The following SLX9 variants were observed in gnomAD, a reference collection of about 807,000 sequenced individuals.
The protein encoded by SLX9 is ribosome biogenesis protein SLX9 homolog.
A neutral mutation model predicts 20.8 loss-of-function variants in SLX9; 19 were observed. That is an observed-to-expected ratio of 0.91 (90% CI 0.64 to 1.34). The LOEUF (loss-of-function observed/expected upper bound fraction) is 1.34, where lower values mean the gene tolerates loss of function less well. SLX9 is among the 40% of genes most tolerant of loss of function. The pLI is 0.00. For synonymous variants in SLX9, 113 were observed against 137.1 expected (o/e 0.82, Z 1.23); for missense variants, 299 against 322.2 (o/e 0.93, Z 0.55).
chr21:44,939,909 G>C (rs1321242872), upstream of SLX9: 1 of 777,718 alleles, frequency 1.3e-6, no homozygotes, highest in Non-Finnish European at 1.9e-6. Context: ...CCCTACACCC[G>C]CGACCCTGCG....
chr21:44,949,901 T>C (rs753264482), intron 2 of SLX9, among the ~76,000 whole-genome samples: 1 of 152,140 alleles, frequency 6.6e-6, no homozygotes, highest in Non-Finnish European at 1.5e-5. Flanking sequence ...CGACCTTGGC[T>C]TCCTGGCCGT....
intron 2 of SLX9, among the ~76,000 whole-genome samples, chr21:44,946,322 G>C (rs908675527): frequency 6.6e-6 from 1 of 152,170 alleles, no homozygotes; most frequent in Admixed American, 6.5e-5. Flanking sequence ...AGCGTGGCCC[G>C]TTCTGGCGCT....
At chr21:44,960,595 A>G (rs1157434525) in intron 3 of SLX9, among the ~76,000 whole-genome samples, 1 of 152,220 alleles carries the variant, frequency 6.6e-6, no homozygotes, top group Non-Finnish European at 1.5e-5. Context: ...AAGTGCCTGC[A>G]GTGGTATGTG....
rs557565877 is a variant in SLX9, at chr21:44,962,630, C to A, written c.352+2462C>A. 5.3e-5 allele frequency among the ~76,000 whole-genome samples: 8 copies of A among 152,346 alleles called. No homozygotes were observed. The South Asian group carries it at 1.7e-3, about 32-fold the overall frequency. ...CTACTGTGAATAAGGCTGCTCTGAACATTCTTTACAAGTCTTTTTGTGGAC... is the reference window on the plus strand; with the variant it reads ...CTACTGTGAATAAGGCTGCTCTGAAAATTCTTTACAAGTCTTTTTGTGGAC... On this transcript the variant is annotated intron_variant, in intron 3 of 5. Coordinates refer to ENST00000291634, the MANE Select transcript of SLX9 (RefSeq NM_058190.4).
At chr21:44,953,743 G>A (rs190779756) in intron 2 of SLX9, among the ~76,000 whole-genome samples, 148 of 152,310 alleles carry the variant, frequency 9.7e-4, no homozygotes, top group African/African-American at 2.4e-3. Context: ...GTGCAGTAGC[G>A]TGACCTTGGC....
At chr21:44,942,438 A>C (rs1232559408) in intron 1 of SLX9, among the ~76,000 whole-genome samples, 1 of 152,118 alleles carries the variant, frequency 6.6e-6, no homozygotes, top group Non-Finnish European at 1.5e-5. Flanking sequence ...AGGGAGACCA[A>C]GGACTTCTCC....
Position 44,956,577 on chromosome 21 carries a change from C to T in SLX9, c.284-3523C>T, listed in dbSNP as rs530525262. ...GCCGCAGCATCTCCCGGCACCCGAG[C>T]CCGAGATGAAGCAGCACGTGCCAGC... On this transcript the variant is annotated intron_variant, in intron 2 of 5. Transcript: ENST00000291634. Among the ~76,000 whole-genome samples the T allele has an allele frequency of 3.3e-5, 5 of 152,336 alleles. No individual in the cohort carries two copies. In the South Asian group the frequency reaches 6.2e-4, roughly 19 times the overall value.
rs77867616 is a variant in SLX9 at position 44,964,493 on chromosome 21, C to T, written c.353-2541C>T. 8.4e-3 allele frequency among the ~76,000 whole-genome samples: 1,278 copies of T among 152,338 alleles called. 23 individuals carry two copies. Among genetic ancestry groups the T allele is most frequent in the African/African-American group, 0.029 (1,217 of 41,574 alleles). On this transcript the variant is annotated intron_variant, in intron 3 of 5. Transcript: ENST00000291634. The stretch of plus-strand genomic sequence containing the variant: ...CTCCTGGAGGCCTCCCCCGGTCACT[C>T]TCCATCCCTTGCTTTGCTTTGTTTT...
intron 5 of SLX9, 31 bp from the exon 6 acceptor site, chr21:44,976,649 G>T: frequency 6.4e-7 from 1 of 1,568,640 alleles, no homozygotes; most frequent in East Asian, 2.3e-5. Context: ...GGGGGTTCCT[G>T]CCTGCTGATC....
At position 44,976,782 on chromosome 21, in the gene SLX9, G is replaced by A. The variant is rs543334580; in HGVS notation, c.672G>A (p.Leu224=). Residue 224 remains leucine, a synonymous_variant, in exon 6 of 6, where the codon CTG becomes CTA. Transcript: ENST00000291634. ...AGACGCTGGCCCGGCAGATGCAGCT[G>A]GAAGATGGCGGCCAGCTCTGACCAG... ...IGQTLARQMQ[L]EDGGQL is the part of the protein sequence containing the mutation. 9.8e-5 allele frequency: 151 copies of A among 1,546,776 alleles called. 3 individuals are homozygous for A. In the South Asian group the frequency reaches 1.6e-3, roughly 17 times the overall value.
At chr21:44,946,030 G>A (rs542018657) in intron 2 of SLX9, among the ~76,000 whole-genome samples, 3 of 152,304 alleles carry the variant, frequency 2.0e-5, no homozygotes, top group African/African-American at 4.8e-5. Flanking sequence ...CACCACGCCC[G>A]GCCTGGTCTT....
chr21:44,961,236 C>CT (rs11372824), intron 3 of SLX9, among the ~76,000 whole-genome samples: 6,907 of 151,114 alleles, frequency 0.046, 452 homozygotes, highest in African/African-American at 0.15. Flanking sequence ...GCACTTGGTC[C>CT]TTTTTTTTTG....
chr21:44,976,639 G>A (rs1165940650), intron 5 of SLX9, 41 bp from the exon 6 acceptor site: 18 of 1,561,330 alleles, frequency 1.2e-5, no homozygotes, highest in African/African-American at 1.4e-5. Flanking sequence ...TGAGGGGTCC[G>A]GGGGTTCCTG....
Position 44,944,755 on chromosome 21 carries a change from C to T in SLX9, c.283+918C>T, listed in dbSNP as rs187650667. The stretch of plus-strand genomic sequence containing the variant: ...CAGAGCTGGGAGCGCCAGGACAGGG[C>T]AGGAGCCGGGTCTGGGGCCTGTAGA... On this transcript the variant is annotated intron_variant, in intron 2 of 5. Coordinates refer to ENST00000291634, the MANE Select transcript of SLX9 (RefSeq NM_058190.4). 7.9e-5 allele frequency among the ~76,000 whole-genome samples: 12 copies of T among 152,308 alleles called. No homozygotes were observed. In the East Asian group the frequency reaches 2.3e-3, roughly 29 times the overall value.
chr21:44,970,481 G>A (rs2085123306), intron 4 of SLX9, among the ~76,000 whole-genome samples: 4 of 152,172 alleles, frequency 2.6e-5, no homozygotes, highest in Non-Finnish European at 5.9e-5. Flanking sequence ...TGCCAGTCCT[G>A]CTGTTTCTCT....
chr21:44,970,780 C>T (rs1601420640), intron 4 of SLX9, among the ~76,000 whole-genome samples: 1 of 152,330 alleles, frequency 6.6e-6, no homozygotes, highest in Non-Finnish European at 1.5e-5. Flanking sequence ...CCCCTTCCCA[C>T]CTAGTGGGGA....
At chr21:44,953,672 C>T (rs2084802517) in intron 2 of SLX9, among the ~76,000 whole-genome samples, 1 of 152,214 alleles carries the variant, frequency 6.6e-6, no homozygotes, top group Non-Finnish European at 1.5e-5. Context: ...GCTGAGGACA[C>T]AGGCCAGGTG....
At chr21:44,976,033 G>A (rs1467244099) in intron 5 of SLX9, among the ~76,000 whole-genome samples, 1 of 152,270 alleles carries the variant, frequency 6.6e-6, no homozygotes, top group East Asian at 1.9e-4. Flanking sequence ...CTTGGCAGCT[G>A]CGGCAGAGCC....
At position 44,976,857 on chromosome 21, in the gene SLX9, A is replaced by C. The variant is rs1162835564; in HGVS notation, c.*54A>C. On this transcript the variant is annotated 3_prime_UTR_variant, in exon 6 of 6. Transcript: ENST00000291634. ...CAGGACACATGTGGGCCAAGTAGAGAGCGCCGGCCCCTCAAGGACCATGGC... is the reference window on the plus strand; with the variant it reads ...CAGGACACATGTGGGCCAAGTAGAGCGCGCCGGCCCCTCAAGGACCATGGC... The C allele has an allele frequency of 2.0e-6, 3 of 1,534,208 alleles. No individual in the cohort carries two copies. The East Asian group carries it at 7.3e-5, about 37-fold the overall frequency.
Sources: gnomAD v4.1 joint callset for allele counts (sites outside exome capture counted in the v4.1 genomes callset) on GRCh38, gnomAD v4.1.1 for gene constraint, MANE v1.5 for transcripts, NCBI Gene and HGNC (gene_info 2026-07-23, HGNC 2026-07-21) for gene names.